KLHDC2: variants seen among roughly 807,000 people sequenced by gnomAD.
KLHDC2 encodes kelch domain-containing protein 2.
KLHDC2 carries 38 observed loss-of-function variants against 62.3 expected under a neutral mutation model. The ratio of observed to expected loss-of-function variants is 0.61; its 90% CI spans 0.47 to 0.80. The LOEUF is 0.80. Ranked by LOEUF, KLHDC2 falls within the 30% of genes least tolerant of loss-of-function variation. The probability of loss-of-function intolerance (pLI) is 0.00; values close to 1 mark genes in which losing one functional copy is unlikely to be tolerated. For synonymous variants in KLHDC2, 159 were observed against 161.0 expected (o/e 0.99, Z 0.09); for missense variants, 430 against 495.3 (o/e 0.87, Z 1.25).
intron 4 of KLHDC2, 48 bp downstream of exon 4, chr14:49,778,002 TA>T: frequency 8.4e-7 from 1 of 1,188,476 alleles, no homozygotes; most frequent in Non-Finnish European, 1.2e-6. Context: ...TAAAGTGGTT[TA>T]CCATTCAGGT....
rs1472799566 is a variant in KLHDC2, at chr14:49,783,672, GGTTA to G, written c.*720_*723del. 4.0e-5 allele frequency: 6 copies of G among 151,860 alleles called. No homozygotes were observed. The highest frequency in any genetic ancestry group is 6.5e-5 in the Admixed American group (1 of 15,268). 9.4% of individuals were successfully genotyped at this position (151,860 alleles called of 1,614,324 possible). ...CCTAAAATGCGCTTCTGGTATTATA[GGTTA>G]AGATACTCTAACGTGCTATATTGGT... On this transcript the variant is annotated 3_prime_UTR_variant, in exon 13 of 13. Transcript: ENST00000298307.
In KLHDC2 at chr14:49,780,772, C is replaced by G; in HGVS notation, c.953C>G (p.Pro318Arg). ...IQFNHPYTEKPRLWHTACASD... is the reference protein window; with the variant it reads ...IQFNHPYTEKRRLWHTACASD... The stretch of plus-strand genomic sequence containing the variant: ...TTTAATCATCCATATACCGAAAAAC[C>G]AAGGTATTTAAAAGCAATTCATATA... The change falls in exon 10 of 13, where the codon CCA (proline) becomes CGA (arginine). Residue 318 changes from proline (P) to arginine (R), a missense_variant. Coordinates refer to ENST00000298307, the MANE Select transcript of KLHDC2 (RefSeq NM_014315.3). 2 of 1,567,102 alleles carry G rather than the reference C, an allele frequency of 1.3e-6. No individual in the cohort carries two copies. Among genetic ancestry groups the G allele is most frequent in the Non-Finnish European group, 1.8e-6 (2 of 1,137,412 alleles).
chr14:49,768,507 G>T lies in KLHDC2; in HGVS notation c.39G>T (p.Leu13Phe). Reference sequence around the variant, plus strand: ...ACGAGGATCTGCGGGCTGACGACTTGCCTGGGCCAGCCTTCGAGAGCTATG... The same window carrying T: ...ACGAGGATCTGCGGGCTGACGACTTTCCTGGGCCAGCCTTCGAGAGCTATG... ...DGNEDLRADDLPGPAFESYES... is the reference protein window; with the variant it reads ...DGNEDLRADDFPGPAFESYES... The change falls in exon 1 of 13, where the codon TTG becomes TTT. Residue 13 changes from leucine (L) to phenylalanine (F), a missense_variant. Leu to Phe is a conservative substitution (Grantham distance 22, BLOSUM62 0). Transcript: ENST00000298307. 2 of 1,610,094 alleles carry T rather than the reference G, an allele frequency of 1.2e-6. No homozygotes were observed. The highest frequency in any genetic ancestry group is 1.7e-6 in the Non-Finnish European group (2 of 1,178,638).
In KLHDC2 at chr14:49,785,219, C is replaced by T; in HGVS notation, c.*2266C>T. 2 of 1,611,766 alleles carry T rather than the reference C, an allele frequency of 1.2e-6. No individual in the cohort carries two copies. The highest frequency in any genetic ancestry group is 1.7e-6 in the Non-Finnish European group (2 of 1,177,874). ...CATTCTGTCAACTAATGGTAACTTA[C>T]TTGTAGTTTGTCATGGTGGTGTAAG... On this transcript the variant is annotated 3_prime_UTR_variant, in exon 13 of 13. Transcript: ENST00000298307.
At position 49,768,480 on chromosome 14, in the gene KLHDC2, C is replaced by A; in HGVS notation, c.12C>A (p.Gly4=). 5 of 1,609,976 alleles carry A rather than the reference C, an allele frequency of 3.1e-6. No homozygotes were observed. Among genetic ancestry groups the A allele is most frequent in the Non-Finnish European group, 4.2e-6 (5 of 1,178,624 alleles). The change falls in exon 1 of 13, where the codon GGC becomes GGA. Residue 4 remains glycine, a synonymous_variant. Transcript: ENST00000298307. The part of the protein sequence containing the change: MAD[G]NEDLRADDLP... ...AGTGCAGCCTCAAGATGGCTGATGG[C>A]AACGAGGATCTGCGGGCTGACGACT...
intron 3 of KLHDC2, 49 bp downstream of exon 3, chr14:49,774,727 C>T (rs913424619): frequency 8.9e-7 from 1 of 1,123,038 alleles, no homozygotes; most frequent in Non-Finnish European, 1.4e-6. Flanking sequence ...TTCTTATTAT[C>T]TTTCAAACAA....
chr14:49,771,509 TTAG>T, intron 1 of KLHDC2, 82 bp from the exon 2 acceptor site: 1 of 664,234 alleles, frequency 1.5e-6, no homozygotes, highest in Non-Finnish European at 2.7e-6. Context: ...AATTATGAAA[TTAG>T]TATCTCAAGA....
chr14:49,779,567 C>G (rs752321763), intron 6 of KLHDC2, 28 bp from the exon 7 acceptor site: 1 of 1,580,224 alleles, frequency 6.3e-7, no homozygotes, highest in South Asian at 1.1e-5. Context: ...ATAAAAAGTT[C>G]ACTAACTTGC....
In KLHDC2 at chr14:49,785,633, G is replaced by A. The variant is rs1460562984; in HGVS notation, c.*2680G>A. ...GCAGTGGTTCACGCCTATAATCCTA[G>A]GACTCTGGAAGGCTCAGGCTGAGGC... On this transcript the variant is annotated 3_prime_UTR_variant, in exon 13 of 13. Transcript: ENST00000298307. 2 of 287,034 alleles carry A rather than the reference G, an allele frequency of 7.0e-6. No individual in the cohort carries two copies. The highest frequency in any genetic ancestry group is 1.4e-5 in the Non-Finnish European group (2 of 147,642). The allele number at this position is 287,034 out of a possible 1,614,324, so 17.8% of individuals were successfully genotyped here.
At chr14:49,778,061 T>C in intron 4 of KLHDC2, 107 bp downstream of exon 4, 2 of 897,580 alleles carry the variant, frequency 2.2e-6, no homozygotes, top group Middle Eastern at 2.2e-4. Context: ...ATAGGGCCCA[T>C]ATGAAGATTA....
intron 1 of KLHDC2, chr14:49,768,873 C>G (rs1211568278): frequency 2.1e-6 from 1 of 467,866 alleles, no homozygotes; most frequent in Non-Finnish European, 3.8e-6. Context: ...CCAACTCACT[C>G]CCACCCCCGT....
intron 10 of KLHDC2, among the ~76,000 whole-genome samples, chr14:49,781,607 T>C (rs1442293437): frequency 6.6e-6 from 1 of 151,096 alleles, no homozygotes; most frequent in Non-Finnish European, 1.5e-5. Flanking sequence ...CATATGCCTG[T>C]AGTCCCAGCT....
At chr14:49,769,346 A>G (rs892996325) in intron 1 of KLHDC2, among the ~76,000 whole-genome samples, 1 of 152,198 alleles carries the variant, frequency 6.6e-6, no homozygotes, top group Non-Finnish European at 1.5e-5. Context: ...TTACCCTGCT[A>G]ACCTCGGAAA....
At chr14:49,778,011 G>C (rs1311255208) in intron 4 of KLHDC2, 57 bp downstream of exon 4, 1 of 1,099,188 alleles carries the variant, frequency 9.1e-7, no homozygotes, top group Non-Finnish European at 1.4e-6. Flanking sequence ...TTACCATTCA[G>C]GTATCCTTAG....
chr14:49,782,824 T>G lies in KLHDC2; in HGVS notation c.1098-6T>G. The G allele has an allele frequency of 1.9e-6, 3 of 1,611,236 alleles. No individual in the cohort carries two copies. The highest frequency in any genetic ancestry group is 1.3e-5 in the African/African-American group (1 of 74,894). ...ATTACTTTTCTCTTTCCTTGTCCACTTTCAGGCTAAGCTTAGAAGCAGTCA... is the reference window on the plus strand; with the variant it reads ...ATTACTTTTCTCTTTCCTTGTCCACGTTCAGGCTAAGCTTAGAAGCAGTCA... On this transcript the variant is annotated splice_polypyrimidine_tract_variant and splice_region_variant and intron_variant, in intron 12 of 12. Transcript: ENST00000298307.
chr14:49,768,193 T>G lies in KLHDC2; in HGVS notation c.-276T>G. 3.4e-6 allele frequency: 1 copy of G among 293,662 alleles called. No individual in the cohort carries two copies. 18.2% of individuals were successfully genotyped at this position (293,662 alleles called of 1,614,324 possible). Reference sequence around the variant, plus strand: ...GGGAGCCGGCCCGACGCGGACCGCTTCCCTGCAGTGCCCCGAGTCCCGGGC... The same window carrying G: ...GGGAGCCGGCCCGACGCGGACCGCTGCCCTGCAGTGCCCCGAGTCCCGGGC... On this transcript the variant is annotated 5_prime_UTR_variant, in exon 1 of 13. Transcript: ENST00000298307.
intron 12 of KLHDC2, 75 bp downstream of exon 12, chr14:49,782,669 G>T: frequency 1.4e-6 from 2 of 1,382,878 alleles, no homozygotes; most frequent in Non-Finnish European, 2.0e-6. Flanking sequence ...CGAAAAACTA[G>T]GTTTATGGAT....
intron 1 of KLHDC2, among the ~76,000 whole-genome samples, chr14:49,770,806 A>G (rs1307401503): frequency 6.6e-6 from 1 of 152,262 alleles, no homozygotes; most frequent in East Asian, 1.9e-4. Context: ...AATGGAGCAG[A>G]ACAAAGAACT....
At position 49,785,533 on chromosome 14, in the gene KLHDC2, A is replaced by C. The variant is rs568134260; in HGVS notation, c.*2580A>C. 11 of 481,870 alleles carry C rather than the reference A, an allele frequency of 2.3e-5. No homozygotes were observed. The highest frequency in any genetic ancestry group is 3.9e-5 in the African/African-American group (2 of 51,524). The allele number at this position is 481,870 out of a possible 1,614,324, so 29.8% of individuals were successfully genotyped here. ...ATTCTTTACTACTTAATTTTTGCCT[A>C]GCATAATAAGTAATGAGAACAATAA... On this transcript the variant is annotated 3_prime_UTR_variant, in exon 13 of 13. Coordinates refer to ENST00000298307, the MANE Select transcript of KLHDC2 (RefSeq NM_014315.3).
Sources: allele counts gnomAD v4.1 joint callset (sites outside exome capture counted in the v4.1 genomes callset), GRCh38; gene constraint gnomAD v4.1.1; transcripts MANE v1.5; gene names NCBI Gene and HGNC (gene_info 2026-07-23, HGNC 2026-07-21).